The following RERE variants were observed in gnomAD, a reference collection of about 807,000 sequenced individuals.
RERE encodes the protein arginine-glutamic acid dipeptide repeats, also known as arginine-glutamic acid dipeptide repeats protein.
Under a neutral mutation model 146.1 loss-of-function variants are expected in RERE, and 40 were observed. That is an observed-to-expected ratio of 0.27 (90% CI 0.21 to 0.36). The LOEUF is 0.36. Ranked by LOEUF, RERE falls within the 10% of genes least tolerant of loss-of-function variation. RERE has a pLI of 1.00. For synonymous variants in RERE, 1,003 were observed against 866.0 expected (o/e 1.16, Z -2.78); for missense variants, 1,933 against 2,138.7 (o/e 0.90, Z 1.90).
chr1:8,786,149 C>T (rs1641255685), intron 1 of RERE: 2 of 523,816 alleles, frequency 3.8e-6, no homozygotes, highest in Non-Finnish European at 6.9e-6. Flanking sequence ...AGAGCAGCTA[C>T]TGTTTATTTA....
At chr1:8,581,652 T>C (rs1040299673) in intron 4 of RERE, among the ~76,000 whole-genome samples, 4 of 152,208 alleles carry the variant, frequency 2.6e-5, no homozygotes, top group African/African-American at 9.6e-5. Context: ...GTTTTTCACA[T>C]AGGGATTATC....
chr1:8,624,697 C>T (rs990453647), intron 2 of RERE, among the ~76,000 whole-genome samples: 2 of 152,056 alleles, frequency 1.3e-5, no homozygotes, highest in South Asian at 2.1e-4. Context: ...TAAAAGAAAC[C>T]GCTTGCTCAA....
chr1:8,695,799 C>A (rs1212014770), intron 1 of RERE, among the ~76,000 whole-genome samples: 1 of 151,800 alleles, frequency 6.6e-6, no homozygotes, highest in Non-Finnish European at 1.5e-5. Context: ...AGACAACCTA[C>A]AAAATAGCAG....
intron 1 of RERE, among the ~76,000 whole-genome samples, chr1:8,791,740 T>G (rs769537282): frequency 6.6e-6 from 1 of 152,174 alleles, no homozygotes; most frequent in Non-Finnish European, 1.5e-5. Flanking sequence ...ACTAAACACA[T>G]AGCTCCTGGA....
At chr1:8,480,469 T>C (rs1644820573) in intron 10 of RERE, among the ~76,000 whole-genome samples, 2 of 148,030 alleles carry the variant, frequency 1.4e-5, no homozygotes, top group Non-Finnish European at 3.0e-5. Context: ...GAAGGCTTGC[T>C]CTGTTGCCCA....
intron 3 of RERE, among the ~76,000 whole-genome samples, chr1:8,622,543 C>CA (rs1646929861): frequency 8.1e-6 from 1 of 122,904 alleles, no homozygotes; most frequent in South Asian, 2.7e-4. Flanking sequence ...TAATAAGTAG[C>CA]AAAGACCTCT....
At chr1:8,688,463 A>C (rs1639138110) in intron 1 of RERE, among the ~76,000 whole-genome samples, 1 of 152,160 alleles carries the variant, frequency 6.6e-6, no homozygotes, top group African/African-American at 2.4e-5. Context: ...TGGGAGGCTG[A>C]GGCAGAAGAA....
intron 11 of RERE, among the ~76,000 whole-genome samples, chr1:8,461,780 A>G (rs747410041): frequency 5.9e-5 from 9 of 152,266 alleles, no homozygotes; most frequent in African/African-American, 1.9e-4. Flanking sequence ...GGAAGAGGAG[A>G]AGGAGGAGTA....
intron 2 of RERE, among the ~76,000 whole-genome samples, chr1:8,639,151 G>C (rs1647142810): frequency 6.6e-6 from 1 of 152,142 alleles, no homozygotes; most frequent in Admixed American, 6.5e-5. Context: ...AGTAAATTCA[G>C]GGGAGAGAAC....
At position 8,464,410 on chromosome 1, in the gene RERE, C is replaced by A. The variant is rs1300268481; in HGVS notation, c.1203+1515G>T. Among the ~76,000 whole-genome samples the A allele has an allele frequency of 2.0e-5, 3 of 152,208 alleles. No homozygotes were observed. The East Asian group carries it at 5.8e-4, about 29-fold the overall frequency. The stretch of plus-strand genomic sequence containing the variant: ...TCACGACCACTGCTGCCACACCACC[C>A]AGCCACCAGTCCCAGCCTGGTGTGC... On this transcript the variant is annotated intron_variant, in intron 11 of 22. Transcript: ENST00000400908.
In RERE at chr1:8,423,791, G is replaced by T; in HGVS notation, c.1204-984C>A. The T allele has an allele frequency of 1.4e-6, 1 of 698,078 alleles. No individual in the cohort carries two copies. The highest frequency in any genetic ancestry group is 1.8e-6 in the Non-Finnish European group (1 of 570,724). 43.2% of individuals were successfully genotyped at this position (698,078 alleles called of 1,614,324 possible). A position where few individuals can be genotyped will look rare whatever the true frequency, so the allele number is the denominator to read the frequency against. On this transcript the variant is annotated intron_variant, in intron 11 of 22. Coordinates refer to ENST00000400908, the MANE Select transcript of RERE (RefSeq NM_001042681.2). This position sits in a 1 kb window ranked among gnomAD's most constrained non-coding sequence, Gnocchi z 5.4. ...CTGACGGGGGAGGAGGCAGGAGCGC[G>T]GCGCGCAGAGCCCGGCGCGGCCGCG...
intron 12 of RERE, among the ~76,000 whole-genome samples, chr1:8,413,563 T>A (rs1211148725): frequency 6.6e-6 from 1 of 151,228 alleles, no homozygotes; most frequent in Non-Finnish European, 1.5e-5. Flanking sequence ...AGGCTAGACT[T>A]GAACTCCTGG....
At chr1:8,814,988 C>T (rs1002568189) in intron 1 of RERE, among the ~76,000 whole-genome samples, 1 of 152,214 alleles carries the variant, frequency 6.6e-6, no homozygotes. Flanking sequence ...AAAGGCACAA[C>T]AACTGCGCTT....
intron 8 of RERE, among the ~76,000 whole-genome samples, chr1:8,506,095 A>G (rs1318417638): frequency 1.3e-5 from 2 of 152,228 alleles, no homozygotes; most frequent in African/African-American, 4.8e-5. Context: ...AGTCTGGTAC[A>G]AAGATCTCAA....
At chr1:8,411,132 T>C (rs535535151) in intron 12 of RERE, among the ~76,000 whole-genome samples, 6 of 152,120 alleles carry the variant, frequency 3.9e-5, no homozygotes, top group Admixed American at 2.6e-4. Context: ...GTCTAAGATA[T>C]ATTGGACAAA....
chr1:8,549,391 A>T (rs1459049735), intron 6 of RERE, among the ~76,000 whole-genome samples: 1 of 152,238 alleles, frequency 6.6e-6, no homozygotes, highest in Non-Finnish European at 1.5e-5. Context: ...AAAAAATAAT[A>T]AATTATAACA....
At chr1:8,578,550 A>G (rs1010584727) in intron 4 of RERE, among the ~76,000 whole-genome samples, 1 of 152,166 alleles carries the variant, frequency 6.6e-6, no homozygotes, top group Non-Finnish European at 1.5e-5. Context: ...ATGCCATGAA[A>G]TGTCATTTAT....
At chr1:8,489,638 C>T (rs1475543136) in intron 10 of RERE, among the ~76,000 whole-genome samples, 1 of 152,092 alleles carries the variant, frequency 6.6e-6, no homozygotes, top group African/African-American at 2.4e-5. Flanking sequence ...CCAGACTACA[C>T]ATCCATTAAA....
At chr1:8,367,483 C>T (rs1291826269) in intron 12 of RERE, among the ~76,000 whole-genome samples, 1 of 152,208 alleles carries the variant, frequency 6.6e-6, no homozygotes, top group Non-Finnish European at 1.5e-5. Context: ...CATGTATCTC[C>T]TGGAGCACTG....
Sources: gnomAD v4.1 joint callset for allele counts (sites outside exome capture counted in the v4.1 genomes callset) on GRCh38, gnomAD v4.1.1 for gene constraint, Gnocchi (gnomAD v3.1) non-coding constraint, MANE v1.5 for transcripts, NCBI Gene and HGNC (gene_info 2026-07-23, HGNC 2026-07-21) for gene names.